The following ROBO1 variants were observed in gnomAD, a reference collection of about 807,000 sequenced individuals.
ROBO1 encodes roundabout homolog 1.
In ROBO1, 149 loss-of-function variants were observed where a neutral mutation model predicts 195.9. The observed-to-expected ratio is 0.76, with a 90% CI of 0.67 to 0.87. The LOEUF (loss-of-function observed/expected upper bound fraction) is 0.87. Among genes scored for constraint, ROBO1 ranks in the 40% least tolerant of loss-of-function variants. The pLI, the probability that ROBO1 is intolerant of heterozygous loss-of-function variation, is 0.00. For missense variants in ROBO1, 1,933 were observed against 2,068.3 expected (o/e 0.93, Z 1.27); for synonymous variants, 816 against 733.2 (o/e 1.11, Z -1.82).
chr3:79,196,461 A>G (rs2081638617), intron 2 of ROBO1, among the ~76,000 whole-genome samples: 1 of 151,640 alleles, frequency 6.6e-6, no homozygotes, highest in Admixed American at 6.6e-5. Flanking sequence ...CGAGTGATTG[A>G]GAATAAAAAC....
In ROBO1 at chr3:78,597,939, G is replaced by T; in HGVS notation, c.*974C>A. On this transcript the variant is annotated 3_prime_UTR_variant, in exon 31 of 31. Coordinates refer to ENST00000464233, the MANE Select transcript of ROBO1 (RefSeq NM_002941.4). ...TTTACAAATAAAGTTTAGTGATTGT[G>T]CTTTTAAAACCAAAAAAAAAAAAAA... The T allele has an allele frequency of 8.0e-6, 1 of 124,442 alleles. No individual in the cohort carries two copies. The highest frequency in any genetic ancestry group is 1.6e-5 in the Non-Finnish European group (1 of 61,338). The allele number at this position is 124,442 out of a possible 1,614,324, so 7.7% of individuals were successfully genotyped here.
At chr3:79,745,834 G>C (rs905978606) in intron 1 of ROBO1, among the ~76,000 whole-genome samples, 4 of 151,994 alleles carry the variant, frequency 2.6e-5, no homozygotes, top group African/African-American at 9.7e-5. Context: ...GGTCAAGTTA[G>C]TTTATTCTTT....
At chr3:78,674,731 C>T (rs545993846) in intron 10 of ROBO1, among the ~76,000 whole-genome samples, 8 of 152,172 alleles carry the variant, frequency 5.3e-5, no homozygotes, top group Middle Eastern at 3.4e-3. Flanking sequence ...TTTGTGATAA[C>T]GTCATGTCAG....
intron 2 of ROBO1, among the ~76,000 whole-genome samples, chr3:79,340,394 G>A (rs2034861885): frequency 6.6e-6 from 1 of 152,092 alleles, no homozygotes; most frequent in Non-Finnish European, 1.5e-5. Flanking sequence ...GGTAAACTTG[G>A]ATCATGACTT....
intron 3 of ROBO1, among the ~76,000 whole-genome samples, chr3:78,964,804 T>C (rs561148177): frequency 9.9e-5 from 15 of 150,836 alleles, no homozygotes; most frequent in Non-Finnish European, 1.6e-4. Flanking sequence ...GCTTAGGGTT[T>C]TTTTTTTGTT....
intron 2 of ROBO1, among the ~76,000 whole-genome samples, chr3:79,444,860 C>G (rs979593696): frequency 4.6e-5 from 7 of 151,938 alleles, no homozygotes; most frequent in Non-Finnish European, 8.8e-5. Context: ...AGAACATATA[C>G]AAAGATTCCT....
chr3:79,533,167 G>A, intron 2 of ROBO1: 1 of 404,470 alleles, frequency 2.5e-6, no homozygotes, highest in Non-Finnish European at 4.9e-6. Context: ...GAAAAGGGAA[G>A]GGAATACAGT....
intron 2 of ROBO1, among the ~76,000 whole-genome samples, chr3:79,524,500 T>G (rs1282598372): frequency 6.6e-6 from 1 of 152,114 alleles, no homozygotes; most frequent in East Asian, 1.9e-4. Context: ...ATGTCTACAA[T>G]TTGTTAAAGG....
At chr3:78,878,410 C>T (rs2035977993) in intron 4 of ROBO1, among the ~76,000 whole-genome samples, 1 of 151,806 alleles carries the variant, frequency 6.6e-6, no homozygotes, top group Non-Finnish European at 1.5e-5. Context: ...ACATGGCAAA[C>T]CCCGTCTCTA....
In ROBO1 at chr3:78,668,538, T is replaced by C; in HGVS notation, c.1576A>G (p.Ile526Val). Residue 526 changes from isoleucine (I) to valine (V), a missense_variant, in exon 12 of 31, where the codon ATT becomes GTT. Ile to Val is a conservative substitution (Grantham distance 29). Coordinates refer to ENST00000464233, the MANE Select transcript of ROBO1 (RefSeq NM_002941.4). The stretch of plus-strand genomic sequence containing the variant: ...GCTTCACCACTGGGGGTTGATGCAA[T>C]GCAGGTGTACCGACCAGTATCACCC... ...KLGDTGRYTCIASTPSGEATW... is the reference protein window; with the variant it reads ...KLGDTGRYTCVASTPSGEATW... The C allele has an allele frequency of 1.9e-6, 3 of 1,613,846 alleles. No homozygotes were observed. The highest frequency in any genetic ancestry group is 2.5e-6 in the Non-Finnish European group (3 of 1,179,818).
At chr3:78,924,495 T>G (rs2107614166) in intron 4 of ROBO1, among the ~76,000 whole-genome samples, 1 of 152,132 alleles carries the variant, frequency 6.6e-6, no homozygotes, top group Admixed American at 6.5e-5. Context: ...ACTTTATTTT[T>G]AAAAAATAAA....
intron 2 of ROBO1, among the ~76,000 whole-genome samples, chr3:79,389,084 T>C (rs1291451926): frequency 1.3e-5 from 2 of 152,004 alleles, no homozygotes; most frequent in African/African-American, 4.8e-5. Context: ...ACTCTAAAAT[T>C]TGGATGGGAG....
chr3:79,290,164 T>C (rs1272975352), intron 2 of ROBO1, among the ~76,000 whole-genome samples: 1 of 151,944 alleles, frequency 6.6e-6, no homozygotes. Context: ...TCAGCCTCCC[T>C]AGTAGCTGGG....
At chr3:79,458,312 G>A (rs2039686099) in intron 2 of ROBO1, among the ~76,000 whole-genome samples, 1 of 152,160 alleles carries the variant, frequency 6.6e-6, no homozygotes, top group Admixed American at 6.5e-5. Flanking sequence ...CAGTAAGGCA[G>A]GGCAGAAATG....
In ROBO1 at chr3:79,407,895, C is replaced by G. The variant is rs148762196; in HGVS notation, c.88+181929G>C. Reference sequence around the variant, plus strand: ...GTACTTCTGTAAACAATGGACTCTTCTAAGTCTTATTTTCCTTGCCATATG... The same window carrying G: ...GTACTTCTGTAAACAATGGACTCTTGTAAGTCTTATTTTCCTTGCCATATG... On this transcript the variant is annotated intron_variant, in intron 2 of 30. Coordinates refer to ENST00000464233, the MANE Select transcript of ROBO1 (RefSeq NM_002941.4). Among the ~76,000 whole-genome samples, 10 of 152,194 alleles carry G rather than the reference C, an allele frequency of 6.6e-5. No homozygotes were observed. The East Asian group carries it at 1.7e-3, about 26-fold the overall frequency.
chr3:79,280,574 T>C (rs2031428264), intron 2 of ROBO1, among the ~76,000 whole-genome samples: 1 of 152,150 alleles, frequency 6.6e-6, no homozygotes. Context: ...ACCTTAACAT[T>C]GTATTCTCTT....
intron 2 of ROBO1, among the ~76,000 whole-genome samples, chr3:79,437,550 C>T (rs1275374645): frequency 6.6e-6 from 1 of 151,782 alleles, no homozygotes; most frequent in Non-Finnish European, 1.5e-5. Flanking sequence ...TGATAATCAA[C>T]AATAAAATGT....
intron 2 of ROBO1, among the ~76,000 whole-genome samples, chr3:79,159,825 G>A (rs1352771854): frequency 6.6e-6 from 1 of 152,030 alleles, no homozygotes; most frequent in African/African-American, 2.4e-5. Context: ...CCTGGCCACA[G>A]TGAGAAGTTC....
intron 4 of ROBO1, among the ~76,000 whole-genome samples, chr3:78,806,211 T>C (rs2084534306): frequency 6.6e-6 from 1 of 152,208 alleles, no homozygotes; most frequent in Non-Finnish European, 1.5e-5. Flanking sequence ...TGGCCTTCAG[T>C]GATTCTCCCC....
Sources: gnomAD v4.1 joint callset for allele counts (sites outside exome capture counted in the v4.1 genomes callset) on GRCh38, gnomAD v4.1.1 for gene constraint, MANE v1.5 for transcripts, NCBI Gene and HGNC (gene_info 2026-07-23, HGNC 2026-07-21) for gene names.